DCAF6: variants seen among roughly 807,000 people sequenced by gnomAD.
DCAF6 encodes the protein DDB1- and CUL4-associated factor 6.
In DCAF6, 54 loss-of-function variants were observed where a neutral mutation model predicts 125.1. The observed-to-expected ratio is 0.43, with a 90% CI of 0.35 to 0.54. The LOEUF is 0.54. Ranked by LOEUF, DCAF6 falls within the 20% of genes least tolerant of loss-of-function variation. The pLI is 0.01. For missense variants in DCAF6, 934 were observed against 1,161.7 expected (o/e 0.80, Z 2.85); for synonymous variants, 371 against 390.4 (o/e 0.95, Z 0.58).
At chr1:168,004,051 T>C in intron 9 of DCAF6, 62 bp downstream of exon 9, 1 of 1,562,572 alleles carries the variant, frequency 6.4e-7, no homozygotes, top group Non-Finnish European at 8.7e-7. Flanking sequence ...TTGAAGCCAG[T>C]TTTTATTTCT....
Position 168,050,815 on chromosome 1 carries a change from G to C in DCAF6, c.2259-77G>C, listed in dbSNP as rs909051115. ...AATTGAGATGATTGATGATAAAAAG[G>C]GTGTCCTTAATGCTTTAAATATTTG... On this transcript the variant is annotated intron_variant, in intron 16 of 21. Coordinates refer to ENST00000367840, the MANE Select transcript of DCAF6 (RefSeq NM_001198956.2). The C allele has an allele frequency of 2.2e-5, 17 of 773,064 alleles. No individual in the cohort carries two copies. In the East Asian group the frequency reaches 4.4e-4, roughly 20 times the overall value. 47.9% of individuals were successfully genotyped at this position (773,064 alleles called of 1,614,324 possible).
chr1:168,035,229 T>C (rs1432875819), intron 12 of DCAF6, among the ~76,000 whole-genome samples: 1 of 152,182 alleles, frequency 6.6e-6, no homozygotes, highest in Non-Finnish European at 1.5e-5. Context: ...ACGGATTGCT[T>C]GAGCCCAGGA....
chr1:168,036,778 C>A (rs1474593028), intron 12 of DCAF6, among the ~76,000 whole-genome samples: 4 of 152,166 alleles, frequency 2.6e-5, no homozygotes. Flanking sequence ...GAATGTAATA[C>A]TAAATCTTTG....
chr1:167,996,797 C>A (rs1307549690), intron 7 of DCAF6, among the ~76,000 whole-genome samples: 3 of 152,138 alleles, frequency 2.0e-5, no homozygotes, highest in Non-Finnish European at 4.4e-5. Flanking sequence ...ATTTACTCTG[C>A]CTGAAATGCT....
At chr1:167,880,971 A>T in the DCAF6 span, among the ~76,000 whole-genome samples, 2 of 152,200 alleles carry the variant, frequency 1.3e-5, no homozygotes, top group Admixed American at 6.5e-5. Context: ...CTGGAATCAG[A>T]AAGTCTCTGT....
At chr1:168,026,923 C>T (rs965583917) in intron 12 of DCAF6, among the ~76,000 whole-genome samples, 1 of 151,842 alleles carries the variant, frequency 6.6e-6, no homozygotes, top group African/African-American at 2.4e-5. Context: ...GAGTAGAGTG[C>T]ACTACAGGAG....
the DCAF6 span, among the ~76,000 whole-genome samples, chr1:167,911,047 A>G: frequency 5.9e-5 from 9 of 152,334 alleles, 1 homozygote; most frequent in South Asian, 1.9e-3. Context: ...AGTTGTTAAC[A>G]CTGGATGGAA....
At chr1:167,960,504 CCACCAGCCAGGCTGGTCTCAAA>C (rs1265116935) in intron 2 of DCAF6, among the ~76,000 whole-genome samples, 2 of 151,876 alleles carry the variant, frequency 1.3e-5, no homozygotes, top group Non-Finnish European at 2.9e-5. Context: ...TGGTCTCGAA[CCACCAGCCAGGCTGGTCTCAAA>C]CTCCTGACCT....
chr1:167,928,178 C>A, the DCAF6 span, among the ~76,000 whole-genome samples: 3 of 152,084 alleles, frequency 2.0e-5, no homozygotes, highest in East Asian at 5.8e-4. Flanking sequence ...GAAACCCTGT[C>A]TCTACTAAAA....
chr1:167,923,868 C>G, the DCAF6 span, among the ~76,000 whole-genome samples: 19 of 152,100 alleles, frequency 1.2e-4, no homozygotes, highest in African/African-American at 4.3e-4. Flanking sequence ...CACTGCAGGT[C>G]CAGAGAGATG....
At chr1:168,020,670 G>C (rs552165940) in intron 11 of DCAF6, among the ~76,000 whole-genome samples, 16 of 152,230 alleles carry the variant, frequency 1.1e-4, no homozygotes, top group Non-Finnish European at 2.1e-4. Flanking sequence ...AGGTAGAGTA[G>C]AATATGCCAG....
chr1:168,063,057 G>A (rs1006161314), intron 17 of DCAF6, among the ~76,000 whole-genome samples: 1 of 151,816 alleles, frequency 6.6e-6, no homozygotes, highest in African/African-American at 2.4e-5. Flanking sequence ...GACTATAGGC[G>A]CCCGCTGCCA....
chr1:168,003,996 T>C lies in DCAF6; in HGVS notation c.1117+7T>C. 6.2e-7 allele frequency: 1 copy of C among 1,609,568 alleles called. No homozygotes were observed. The highest frequency in any genetic ancestry group is 8.5e-7 in the Non-Finnish European group (1 of 1,178,066). ...GGAAGATCTCGACCCAGAGGTAATT[T>C]TTAATGTTAATTAAAGTCATCAGAA... On this transcript the variant is annotated splice_region_variant and intron_variant, in intron 9 of 21. Transcript: ENST00000367840.
At chr1:167,886,972 C>A in the DCAF6 span, among the ~76,000 whole-genome samples, 1 of 152,182 alleles carries the variant, frequency 6.6e-6, no homozygotes, top group African/African-American at 2.4e-5. Context: ...CCATCAGAGA[C>A]ATGCAAATCA....
chr1:167,877,353 TG>T, the DCAF6 span, among the ~76,000 whole-genome samples: 1 of 151,784 alleles, frequency 6.6e-6, no homozygotes, highest in South Asian at 2.1e-4. Flanking sequence ...TGCACTTTAT[TG>T]ATGGCCTATG....
chr1:167,985,101 A>G (rs1679757220), intron 4 of DCAF6, among the ~76,000 whole-genome samples: 1 of 152,032 alleles, frequency 6.6e-6, no homozygotes, highest in Admixed American at 6.6e-5. Context: ...TGCCCACATG[A>G]TTCAGTTACC....
the DCAF6 span, among the ~76,000 whole-genome samples, chr1:167,920,308 T>C: frequency 6.6e-6 from 1 of 152,200 alleles, no homozygotes; most frequent in Non-Finnish European, 1.5e-5. Context: ...AACTGTAATT[T>C]TCTTCCCACT....
intron 4 of DCAF6, among the ~76,000 whole-genome samples, chr1:167,975,558 T>C (rs2102896863): frequency 6.6e-6 from 1 of 152,346 alleles, no homozygotes; most frequent in East Asian, 1.9e-4. Context: ...GAGTTCTCTT[T>C]TATTTATGAT....
At chr1:167,892,580 T>C in the DCAF6 span, among the ~76,000 whole-genome samples, 2 of 152,208 alleles carry the variant, frequency 1.3e-5, no homozygotes, top group African/African-American at 2.4e-5. Flanking sequence ...GTATTATATC[T>C]CTTGAGAATG....
Sources: allele counts gnomAD v4.1 joint callset (sites outside exome capture counted in the v4.1 genomes callset), GRCh38; gene constraint gnomAD v4.1.1; transcripts MANE v1.5; gene names NCBI Gene and HGNC (gene_info 2026-07-23, HGNC 2026-07-21).